Variants in ITGB4 observed in about 807,000 individuals in gnomAD.
ITGB4 encodes integrin beta-4.
ITGB4 carries 159 observed loss-of-function variants against 207.6 expected under a neutral mutation model. The ratio of observed to expected loss-of-function variants is 0.77; its 90% CI spans 0.67 to 0.87. The LOEUF (loss-of-function observed/expected upper bound fraction) is 0.87. Among genes scored for constraint, ITGB4 ranks in the 40% least tolerant of loss-of-function variants. ITGB4 has a pLI of 0.00. For missense variants in ITGB4, 2,278 were observed against 2,546.8 expected (o/e 0.89, Z 2.27); for synonymous variants, 1,020 against 1,062.7 (o/e 0.96, Z 0.78).
chr17:75,747,281 C>G (rs752859722), intron 26 of ITGB4, among the ~76,000 whole-genome samples: 7 of 152,024 alleles, frequency 4.6e-5, no homozygotes, highest in Non-Finnish European at 1.0e-4. Context: ...GAGTTTGACA[C>G]CAGCCTGACC....
At position 75,740,146 on chromosome 17, in the gene ITGB4, A is replaced by G. The variant is rs529169728; in HGVS notation, c.2446+75A>G. The stretch of plus-strand genomic sequence containing the variant: ...TCTGTTCCAGATCTGGGATCACAGC[A>G]TGCCTCTTCTCTGGGTGTGGGGTGC... On this transcript the variant is annotated intron_variant, in intron 20 of 39. Transcript: ENST00000200181. This position sits in a 1 kb window ranked among gnomAD's most constrained non-coding sequence, Gnocchi z 5.9. The G allele has an allele frequency of 3.4e-6, 5 of 1,471,440 alleles. No homozygotes were observed. The highest frequency in any genetic ancestry group is 4.6e-6 in the Non-Finnish European group (5 of 1,085,766). The allele number at this position is 1,471,440 out of a possible 1,614,324, so 91.1% of individuals were successfully genotyped here. A position where few individuals can be genotyped will look rare whatever the true frequency, so the allele number is the denominator to read the frequency against.
intron 30 of ITGB4, chr17:75,751,849 G>A (rs1010858591): frequency 1.6e-5 from 7 of 429,882 alleles, no homozygotes; most frequent in Non-Finnish European, 3.0e-5. Flanking sequence ...GGGAGGCAGG[G>A]TGGGCAACCC....
rs561481314 is a variant in ITGB4, at chr17:75,732,185, G to A, written c.1400G>A (p.Arg467His). The stretch of plus-strand genomic sequence containing the variant: ...CAGCAAAAAGAGGTGCGGTCAGCTC[G>A]CTGCAGCTTCAACGGAGACTTCGTG... ...CELQKEVRSA[R>H]CSFNGDFVCG... The change falls in exon 12 of 40, where the codon CGC becomes CAC. Residue 467 changes from arginine (R) to histidine (H), a missense_variant. Arg to His is a conservative substitution (Grantham distance 29, BLOSUM62 0). Coordinates refer to ENST00000200181, the MANE Select transcript of ITGB4 (RefSeq NM_000213.5). This position sits in a 1 kb window ranked among gnomAD's most constrained non-coding sequence, Gnocchi z 5.3. 2.3e-5 allele frequency: 37 copies of A among 1,614,110 alleles called. No individual in the cohort carries two copies. The South Asian group carries it at 2.3e-4, about 10-fold the overall frequency.
chr17:75,750,300 G>T lies in ITGB4; in HGVS notation c.3474+32G>T. On this transcript the variant is annotated intron_variant, in intron 28 of 39. Coordinates refer to ENST00000200181, the MANE Select transcript of ITGB4 (RefSeq NM_000213.5). The surrounding 1 kb of genome is among the most constrained non-coding windows in gnomAD (Gnocchi z 5.5). ...CGGGGGGCTGAGGGTCACGACAGGT[G>T]GATGGGCGGTCTGGCACCAGCACTC... The T allele has an allele frequency of 6.3e-7, 1 of 1,584,076 alleles. No individual in the cohort carries two copies. Among genetic ancestry groups the T allele is most frequent in the South Asian group, 1.1e-5 (1 of 87,358 alleles).
chr17:75,756,410 C>A lies in ITGB4; in HGVS notation c.4709-19C>A. The A allele has an allele frequency of 6.2e-7, 1 of 1,612,412 alleles. No individual in the cohort carries two copies. The highest frequency in any genetic ancestry group is 1.1e-5 in the South Asian group (1 of 91,062). Reference sequence around the variant, plus strand: ...GGAGTAACACTGCACTACTGTGTGCCCCCACCTGATCCCCCCAGGTGAGCT... The same window carrying A: ...GGAGTAACACTGCACTACTGTGTGCACCCACCTGATCCCCCCAGGTGAGCT... On this transcript the variant is annotated intron_variant, in intron 35 of 39. Coordinates refer to ENST00000200181, the MANE Select transcript of ITGB4 (RefSeq NM_000213.5).
At chr17:75,728,780 C>T (rs372933069) in intron 6 of ITGB4, among the ~76,000 whole-genome samples, 20 of 152,124 alleles carry the variant, frequency 1.3e-4, no homozygotes, top group East Asian at 5.8e-4. Flanking sequence ...GTCAGGAGAT[C>T]GAGACCATCC....
chr17:75,749,646 T>G (rs2061321160), intron 27 of ITGB4, among the ~76,000 whole-genome samples: 1 of 152,180 alleles, frequency 6.6e-6, no homozygotes, highest in Admixed American at 6.5e-5. Context: ...AATTCTCCCA[T>G]CAGACCCTGG....
At position 75,731,338 on chromosome 17, in the gene ITGB4, T is replaced by G. The variant is rs1312634573; in HGVS notation, c.1185T>G (p.Thr395=). 6.2e-7 allele frequency: 1 copy of G among 1,613,072 alleles called. No homozygotes were observed. The highest frequency in any genetic ancestry group is 1.1e-5 in the South Asian group (1 of 91,072). ...CCAAGATGTTCCAGAAGACGAGGAC[T>G]GGGTCCTTTCACATCCGGCGGGGGG... is the stretch of plus-strand genomic sequence containing the variant. ...VTSKMFQKTR[T]GSFHIRRGEV... Residue 395 remains threonine, a synonymous_variant, in exon 10 of 40, where the codon ACT becomes ACG. Coordinates refer to ENST00000200181, the MANE Select transcript of ITGB4 (RefSeq NM_000213.5). The surrounding 1 kb of genome is among the most constrained non-coding windows in gnomAD (Gnocchi z 6.8).
At position 75,742,333 on chromosome 17, in the gene ITGB4, C is replaced by T. The variant is rs749527800; in HGVS notation, c.2634-8C>T. 1.9e-4 allele frequency: 305 copies of T among 1,613,154 alleles called. 1 individual carries two copies. Among genetic ancestry groups the T allele is most frequent in the Non-Finnish European group, 1.9e-4 (219 of 1,180,038 alleles). ...CTCCGCTGCCTGAACCTTCCACCCT[C>T]GACCCAGGCAAGACCACACCATTGT... is the stretch of plus-strand genomic sequence containing the variant. On this transcript the variant is annotated splice_polypyrimidine_tract_variant and splice_region_variant and intron_variant, in intron 23 of 39. Coordinates refer to ENST00000200181, the MANE Select transcript of ITGB4 (RefSeq NM_000213.5). This position sits in a 1 kb window ranked among gnomAD's most constrained non-coding sequence, Gnocchi z 5.9.
At chr17:75,743,585 G>A in intron 25 of ITGB4, 128 bp from the exon 26 acceptor site, 1 of 1,260,544 alleles carries the variant, frequency 7.9e-7, no homozygotes, top group Non-Finnish European at 1.2e-6. Context: ...CCTTCCCAGA[G>A]GGCAATGCAT....
intron 26 of ITGB4, among the ~76,000 whole-genome samples, chr17:75,745,257 G>A (rs2061208000): frequency 6.6e-6 from 1 of 152,050 alleles, no homozygotes; most frequent in African/African-American, 2.4e-5. Flanking sequence ...GCTGGGCATG[G>A]TAGTGCATAC....
chr17:75,738,945 C>T (rs1162818687), intron 18 of ITGB4, among the ~76,000 whole-genome samples: 1 of 151,686 alleles, frequency 6.6e-6, no homozygotes, highest in Non-Finnish European at 1.5e-5. Flanking sequence ...CACTGCACTC[C>T]AGCCTGGGTG....
Position 75,743,758 on chromosome 17 carries a change from G to A in ITGB4, c.3008G>A (p.Arg1003His), listed in dbSNP as rs1311203130. 1.1e-5 allele frequency: 18 copies of A among 1,613,392 alleles called. No homozygotes were observed. The highest frequency in any genetic ancestry group is 2.2e-5 in the South Asian group (2 of 91,090). Residue 1003 changes from arginine to histidine, a missense_variant, in exon 26 of 40, where the codon CGC becomes CAC. Transcript: ENST00000200181. Reference sequence around the variant, plus strand: ...GAGCAGCCTGAGTTCTCGGTCAGCCGCGGGGACCAGGTGGCCCGCATCCCT... The same window carrying A: ...GAGCAGCCTGAGTTCTCGGTCAGCCACGGGGACCAGGTGGCCCGCATCCCT... Reference protein sequence around the residue: ...SFEQPEFSVSRGDQVARIPVI... With the variant: ...SFEQPEFSVSHGDQVARIPVI...
At position 75,757,427 on chromosome 17, in the gene ITGB4, C is replaced by T; in HGVS notation, c.5341C>T (p.Leu1781=). ...TEPFLVDGLT[L]GAQHLEAGGS... is the part of the protein sequence containing the mutation. ...CTCCTCCTCCACAGATGGGCTGACCCTGGGGGCCCAGCACCTGGAGGCAGG... is the reference window on the plus strand; with the variant it reads ...CTCCTCCTCCACAGATGGGCTGACCTTGGGGGCCCAGCACCTGGAGGCAGG... Residue 1781 remains leucine, a synonymous_variant, in exon 40 of 40, where the codon CTG becomes TTG. Coordinates refer to ENST00000200181, the MANE Select transcript of ITGB4 (RefSeq NM_000213.5). The T allele has an allele frequency of 1.2e-6, 2 of 1,613,208 alleles. No homozygotes were observed. The highest frequency in any genetic ancestry group is 1.7e-6 in the Non-Finnish European group (2 of 1,179,992).
intron 23 of ITGB4, among the ~76,000 whole-genome samples, chr17:75,741,354 G>A (rs1328714435): frequency 6.6e-6 from 1 of 152,048 alleles, no homozygotes; most frequent in Non-Finnish European, 1.5e-5. Context: ...TGCACCTCTG[G>A]GGACCAGGCA....
At chr17:75,756,293 C>A in intron 35 of ITGB4, 136 bp from the exon 36 acceptor site, 1 of 893,460 alleles carries the variant, frequency 1.1e-6, no homozygotes, top group East Asian at 2.6e-5. Flanking sequence ...CCATACTGTA[C>A]CCAACCTGTA....
chr17:75,750,617 A>T lies in ITGB4; in HGVS notation c.3475-63A>T. 6.9e-7 allele frequency: 1 copy of T among 1,443,358 alleles called. No individual in the cohort carries two copies. The highest frequency in any genetic ancestry group is 9.7e-7 in the Non-Finnish European group (1 of 1,034,296). The allele number at this position is 1,443,358 out of a possible 1,614,324, so 89.4% of individuals were successfully genotyped here. A position where few individuals can be genotyped will look rare whatever the true frequency, so the allele number is the denominator to read the frequency against. On this transcript the variant is annotated intron_variant, in intron 28 of 39. Transcript: ENST00000200181. This position sits in a 1 kb window ranked among gnomAD's most constrained non-coding sequence, Gnocchi z 5.5. ...GGACAGTAAGGGCAGAGGTCAGAGG[A>T]GGGACAGGCAGCTTGGGTGCCTGCT...
Position 75,754,823 on chromosome 17 carries a change from ACCTC to A in ITGB4, c.4558+9_4558+12del. 25 of 1,613,304 alleles carry A rather than the reference ACCTC, an allele frequency of 1.5e-5. No individual in the cohort carries two copies. The highest frequency in any genetic ancestry group is 2.0e-5 in the Non-Finnish European group (24 of 1,179,902). On this transcript the variant is annotated intron_variant, in intron 34 of 39. Transcript: ENST00000200181. ...CCTCCGTCTCCTCCCACGGTGAGTG[ACCTC>A]AGCCAACCCTGCCTCTCCCACTAAC... is the stretch of plus-strand genomic sequence containing the variant.
At chr17:75,754,954 G>GCA in intron 34 of ITGB4, 139 bp downstream of exon 34, 1 of 1,260,860 alleles carries the variant, frequency 7.9e-7, no homozygotes, top group Non-Finnish European at 1.1e-6. Context: ...ACGCACACAC[G>GCA]TGCACACGCA....
Sources: gnomAD v4.1 joint callset for allele counts (sites outside exome capture counted in the v4.1 genomes callset) on GRCh38, gnomAD v4.1.1 for gene constraint, Gnocchi (gnomAD v3.1) non-coding constraint, MANE v1.5 for transcripts, NCBI Gene and HGNC (gene_info 2026-07-23, HGNC 2026-07-21) for gene names.